SYN3: variants seen among roughly 807,000 people sequenced by gnomAD.
SYN3 encodes the protein synapsin III.
A neutral mutation model predicts 65.8 loss-of-function variants in SYN3; 35 were observed. That is an observed-to-expected ratio of 0.53 (90% CI 0.41 to 0.70). SYN3 has a LOEUF of 0.70. SYN3 is among the 30% of genes least tolerant of loss of function. The pLI, the probability that SYN3 is intolerant of heterozygous loss-of-function variation, is 0.00. For missense variants in SYN3, 680 were observed against 749.0 expected (o/e 0.91, Z 1.08); for synonymous variants, 270 against 292.9 (o/e 0.92, Z 0.80).
intron 2 of SYN3, among the ~76,000 whole-genome samples, chr22:33,003,084 A>C (rs996426040): frequency 6.6e-6 from 1 of 152,134 alleles, no homozygotes; most frequent in African/African-American, 2.4e-5. Context: ...CATGATTGTA[A>C]GTTTCCTGAG....
At chr22:32,873,097 C>T (rs893955065) in intron 4 of SYN3, among the ~76,000 whole-genome samples, 1 of 152,090 alleles carries the variant, frequency 6.6e-6, no homozygotes, top group Non-Finnish European at 1.5e-5. Flanking sequence ...ATTACAGGCA[C>T]GTGCCCCTGC....
intron 7 of SYN3, among the ~76,000 whole-genome samples, chr22:32,543,786 T>C (rs1412887379): frequency 6.6e-6 from 1 of 152,338 alleles, no homozygotes; most frequent in East Asian, 1.9e-4. Flanking sequence ...GCCCTGAAGA[T>C]GAAAATAATC....
At chr22:32,889,808 T>C (rs1325622270) in intron 4 of SYN3, among the ~76,000 whole-genome samples, 3 of 152,074 alleles carry the variant, frequency 2.0e-5, no homozygotes, top group Admixed American at 1.3e-4. Flanking sequence ...GGAAAATGCC[T>C]TTATATCTTT....
At position 32,980,696 on chromosome 22, in the gene SYN3, C is replaced by T; in HGVS notation, c.318G>A (p.Lys106=). 6.2e-7 allele frequency: 1 copy of T among 1,613,958 alleles called. No homozygotes were observed. The change falls in exon 3 of 14, where the codon AAG becomes AAA. Residue 106 remains lysine (K), a synonymous_variant. Transcript: ENST00000358763. The part of the protein sequence containing the change: ...VIDDAHTDWS[K]YFHGKKVNGE... The stretch of plus-strand genomic sequence containing the variant: ...CATTCACCTTCTTCCCATGGAAATA[C>T]TTCGACCTGTAAAGGGGAAGAAATC...
chr22:32,784,667 C>G (rs980618382), intron 6 of SYN3, among the ~76,000 whole-genome samples: 3 of 152,204 alleles, frequency 2.0e-5, no homozygotes, highest in Non-Finnish European at 4.4e-5. Context: ...CATTGTCATG[C>G]AGCAATACAT....
intron 6 of SYN3, among the ~76,000 whole-genome samples, chr22:32,832,751 CAG>C (rs1285374467): frequency 1.3e-5 from 2 of 151,870 alleles, no homozygotes; most frequent in Non-Finnish European, 2.9e-5. Context: ...TTTTCTGAGA[CAG>C]AGTCTCACTC....
At chr22:33,031,181 G>C (rs2053749688) in intron 1 of SYN3, among the ~76,000 whole-genome samples, 1 of 152,182 alleles carries the variant, frequency 6.6e-6, no homozygotes, top group Admixed American at 6.5e-5. Context: ...GAGTAATTGG[G>C]TGAGTTCCCT....
At chr22:32,683,243 T>TG (rs2060547360) in intron 6 of SYN3, among the ~76,000 whole-genome samples, 1 of 151,852 alleles carries the variant, frequency 6.6e-6, no homozygotes, top group Admixed American at 6.6e-5. Context: ...GGGAGCGGGG[T>TG]GGGGGGCAGT....
chr22:32,925,257 C>T (rs1193550476), intron 4 of SYN3, among the ~76,000 whole-genome samples: 1 of 152,122 alleles, frequency 6.6e-6, no homozygotes, highest in Non-Finnish European at 1.5e-5. Flanking sequence ...TCTAAATTTC[C>T]CTCTTCTTAT....
chr22:32,922,163 C>T (rs2050351276), intron 4 of SYN3, among the ~76,000 whole-genome samples: 1 of 152,114 alleles, frequency 6.6e-6, no homozygotes, highest in Non-Finnish European at 1.5e-5. Flanking sequence ...TGTCGTTGTT[C>T]GATTGTACTC....
At chr22:32,742,550 C>A (rs2044805567) in intron 6 of SYN3, among the ~76,000 whole-genome samples, 1 of 152,176 alleles carries the variant, frequency 6.6e-6, no homozygotes, top group Admixed American at 6.5e-5. Context: ...AATACCTAGT[C>A]TCTGCCAGGC....
chr22:32,981,146 C>T (rs558380456), intron 2 of SYN3, among the ~76,000 whole-genome samples: 6 of 151,168 alleles, frequency 4.0e-5, no homozygotes, highest in Admixed American at 2.6e-4. Flanking sequence ...TGAGCCACCG[C>T]GCCTGGCCGA....
chr22:32,622,566 G>A (rs1425131383), intron 6 of SYN3, among the ~76,000 whole-genome samples: 2 of 151,924 alleles, frequency 1.3e-5, no homozygotes, highest in Non-Finnish European at 2.9e-5. Context: ...TGGCCTCAGA[G>A]GAGAGCAGCT....
At chr22:32,982,135 C>T (rs1408844419) in intron 2 of SYN3, among the ~76,000 whole-genome samples, 1 of 152,098 alleles carries the variant, frequency 6.6e-6, no homozygotes, top group African/African-American at 2.4e-5. Context: ...TAGTGACGCC[C>T]ATTATCCAAA....
intron 6 of SYN3, among the ~76,000 whole-genome samples, chr22:32,757,951 C>A (rs1441878057): frequency 6.6e-6 from 1 of 152,184 alleles, no homozygotes; most frequent in Non-Finnish European, 1.5e-5. Flanking sequence ...AATATCAATA[C>A]CAGCTATGAC....
chr22:32,508,207 C>T lies in SYN3; in HGVS notation c.*5485G>A, dbSNP rs1353327641. ...CCCGCCTTAACTGATGACATTCCACCATTGTGATTTGTTCCTGCCCCACCT... is the reference window on the plus strand; with the variant it reads ...CCCGCCTTAACTGATGACATTCCACTATTGTGATTTGTTCCTGCCCCACCT... On this transcript the variant is annotated 3_prime_UTR_variant, in exon 14 of 14. Transcript: ENST00000358763. Among the ~76,000 whole-genome samples the T allele has an allele frequency of 1.3e-5, 2 of 152,126 alleles. No individual in the cohort carries two copies. The highest frequency in any genetic ancestry group is 2.9e-5 in the Non-Finnish European group (2 of 68,026).
rs372876664 is a variant in SYN3, at chr22:33,029,008, A to C, written c.-162-22184T>G. 7.0e-4 allele frequency among the ~76,000 whole-genome samples: 107 copies of C among 151,786 alleles called. 1 individual carries two copies. The East Asian group carries it at 0.018, about 26-fold the overall frequency. Reference sequence around the variant, plus strand: ...TGAGCCAAGATCCCGCCACAGCACTACAGCCTGGGTGACAGAGCGAGACTC... The same window carrying C: ...TGAGCCAAGATCCCGCCACAGCACTCCAGCCTGGGTGACAGAGCGAGACTC... On this transcript the variant is annotated intron_variant, in intron 1 of 13. Transcript: ENST00000358763.
intron 3 of SYN3, among the ~76,000 whole-genome samples, chr22:32,939,689 T>C (rs188284948): frequency 1.8e-4 from 28 of 152,344 alleles, no homozygotes; most frequent in Non-Finnish European, 8.8e-5. Flanking sequence ...GCAGCAGTCA[T>C]TCTTTTTTAA....
rs1257805216 is a variant in SYN3, at chr22:32,979,200, AAAAG to A, written c.369+1441_369+1444del. Among the ~76,000 whole-genome samples the A allele has an allele frequency of 1.1e-3, 161 of 151,480 alleles. 1 individual carries two copies. The highest frequency in any genetic ancestry group is 2.8e-3 in the Admixed American group (42 of 15,206). On this transcript the variant is annotated intron_variant, in intron 3 of 13. Coordinates refer to ENST00000358763, the MANE Select transcript of SYN3 (RefSeq NM_003490.4). ...GAGACTCCATCTCAAAAAAAAAAAA[AAAAG>A]AAAGAAAGAAAAAGAAAAGAAAAGA... is the stretch of plus-strand genomic sequence containing the variant.
Sources: allele counts gnomAD v4.1 joint callset (sites outside exome capture counted in the v4.1 genomes callset), GRCh38; gene constraint gnomAD v4.1.1; transcripts MANE v1.5; gene names NCBI Gene and HGNC (gene_info 2026-07-23, HGNC 2026-07-21).